The following FAM227B variants were observed in gnomAD, a reference collection of about 807,000 sequenced individuals.
The protein encoded by FAM227B is family with sequence similarity 227 member B.
FAM227B carries 88 observed loss-of-function variants against 73.8 expected under a neutral mutation model. That is an observed-to-expected ratio of 1.19 (90% CI 1.00 to 1.42). The LOEUF is 1.42. FAM227B is among the 40% of genes most tolerant of loss of function. The pLI is 0.00. For synonymous variants in FAM227B, 210 were observed against 190.5 expected (o/e 1.10, Z -0.84); for missense variants, 632 against 590.9 (o/e 1.07, Z -0.72).
At chr15:49,590,057 T>G in intron 3 of FAM227B, 50 bp from the exon 4 acceptor site, 1 of 958,896 alleles carries the variant, frequency 1.0e-6, no homozygotes, top group Non-Finnish European at 1.7e-6. Context: ...TTTTAATGAA[T>G]TTAAATAATA....
At chr15:49,595,400 G>GT (rs1408652221) in intron 3 of FAM227B, among the ~76,000 whole-genome samples, 2 of 151,926 alleles carry the variant, frequency 1.3e-5, no homozygotes, top group East Asian at 3.9e-4. Context: ...AACAGTGACA[G>GT]TTTGACATAC....
intron 12 of FAM227B, among the ~76,000 whole-genome samples, chr15:49,369,040 G>T (rs1233653230): frequency 6.6e-6 from 1 of 152,100 alleles, no homozygotes; most frequent in African/African-American, 2.4e-5. Context: ...CTCACTGCAA[G>T]CTCTGCCTCC....
chr15:49,416,221 C>T (rs2049201484), intron 11 of FAM227B, among the ~76,000 whole-genome samples: 1 of 144,784 alleles, frequency 6.9e-6, no homozygotes, highest in South Asian at 2.2e-4. Flanking sequence ...GCAGAGGTCA[C>T]TTCCAGAATA....
chr15:49,435,990 C>G (rs573698734), intron 11 of FAM227B, among the ~76,000 whole-genome samples: 1 of 151,456 alleles, frequency 6.6e-6, no homozygotes, highest in South Asian at 2.1e-4. Context: ...GTACTTTATT[C>G]CATTCTGATT....
chr15:49,619,420 A>G (rs1416444107), intron 1 of FAM227B, among the ~76,000 whole-genome samples: 3 of 152,162 alleles, frequency 2.0e-5, no homozygotes, highest in Non-Finnish European at 4.4e-5. Flanking sequence ...GTTCATTGCA[A>G]CACTCCCTTT....
chr15:49,465,221 C>G (rs1223961488), intron 11 of FAM227B, among the ~76,000 whole-genome samples: 1 of 152,008 alleles, frequency 6.6e-6, no homozygotes, highest in Non-Finnish European at 1.5e-5. Flanking sequence ...CCTCTGCCTC[C>G]TAGGTTAAAG....
chr15:49,564,055 T>C (rs1412282374), intron 9 of FAM227B, among the ~76,000 whole-genome samples: 1 of 152,108 alleles, frequency 6.6e-6, no homozygotes, highest in Non-Finnish European at 1.5e-5. Flanking sequence ...ACAGGCAACC[T>C]ACAGAATAGG....
rs149581932 is a variant in FAM227B, at chr15:49,370,801, A to G, written c.1110+501T>C. Among the ~76,000 whole-genome samples the G allele has an allele frequency of 2.9e-4, 44 of 152,310 alleles. 1 individual carries two copies. In the East Asian group the frequency reaches 6.9e-3, roughly 24 times the overall value. On this transcript the variant is annotated intron_variant, in intron 12 of 15. Transcript: ENST00000299338. ...TTGGCTAAGGCAACACATGGTGGTG[A>G]GTACATGAAATCTCTACCTGCAAGG...
chr15:49,482,443 G>A (rs2056036769), intron 11 of FAM227B, among the ~76,000 whole-genome samples: 2 of 152,040 alleles, frequency 1.3e-5, no homozygotes, highest in African/African-American at 4.8e-5. Context: ...GTCTTTTAAT[G>A]TATCAAAATA....
intron 1 of FAM227B, chr15:49,620,340 A>G (rs965730796): frequency 6.6e-6 from 1 of 152,192 alleles, no homozygotes; most frequent in African/African-American, 2.4e-5. Context: ...AGAGTAGTCA[A>G]TAAAACATTG....
intron 11 of FAM227B, among the ~76,000 whole-genome samples, chr15:49,456,733 G>C (rs2053329347): frequency 6.6e-6 from 1 of 152,028 alleles, no homozygotes. Flanking sequence ...AAGGATCAGG[G>C]AAGGAACTTG....
intron 11 of FAM227B, among the ~76,000 whole-genome samples, chr15:49,443,350 C>T (rs531652704): frequency 2.1e-4 from 32 of 151,128 alleles, no homozygotes; most frequent in African/African-American, 7.3e-4. Flanking sequence ...TAATGGTATG[C>T]GTCTGTATAT....
intron 11 of FAM227B, chr15:49,484,655 A>G (rs1044564824): frequency 2.2e-6 from 1 of 460,322 alleles, no homozygotes; most frequent in African/African-American, 2.0e-5. Flanking sequence ...GGACTTGTGC[A>G]TTTATGTTTG....
At chr15:49,424,285 G>T in intron 11 of FAM227B, 2 of 1,606,636 alleles carry the variant, frequency 1.2e-6, no homozygotes, top group Non-Finnish European at 1.7e-6. Flanking sequence ...AACACCCGGA[G>T]CACTACACTA....
intron 9 of FAM227B, among the ~76,000 whole-genome samples, chr15:49,549,305 A>G (rs1169321044): frequency 6.8e-6 from 1 of 148,018 alleles, no homozygotes; most frequent in African/African-American, 2.5e-5. Flanking sequence ...TTCTTCTCTT[A>G]TTGATTTGCA....
Position 49,476,232 on chromosome 15 carries a change from G to GTTTTTTTTTTTTTTTTTTTTTT in FAM227B, c.1012+31978_1012+31979insAAAAAAAAAAAAAAAAAAAAAA. On this transcript the variant is annotated intron_variant, in intron 11 of 15. Transcript: ENST00000299338. ...TTGCTGTTTTGTTTTTTTGTTTTTG[G>GTTTTTTTTTTTTTTTTTTTTTT]TTTTTTTTTTTTTGCATTTGGCATA... Among the ~76,000 whole-genome samples, 59 of 57,426 alleles carry GTTTTTTTTTTTTTTTTTTTTTT rather than the reference G, an allele frequency of 1.0e-3. 11 individuals are homozygous for GTTTTTTTTTTTTTTTTTTTTTT. The highest frequency in any genetic ancestry group is 1.7e-3 in the Non-Finnish European group (46 of 27,458). The allele number at this position is 57,426 out of a possible 152,430, so 37.7% of individuals were successfully genotyped here.
In FAM227B at chr15:49,460,676, T is replaced by C. The variant is rs991100330; in HGVS notation, c.1012+47535A>G. Among the ~76,000 whole-genome samples, 39 of 152,126 alleles carry C rather than the reference T, an allele frequency of 2.6e-4. 2 individuals are homozygous for C. Among genetic ancestry groups the C allele is most frequent in the Middle Eastern group, 3.2e-3 (1 of 316 alleles). The stretch of plus-strand genomic sequence containing the variant: ...TGTATTCATTATAGTCTGAAAAAAA[T>C]AGGACTCTTGATACCAGTCATGTAT... On this transcript the variant is annotated intron_variant, in intron 11 of 15. Transcript: ENST00000299338.
intron 11 of FAM227B, among the ~76,000 whole-genome samples, chr15:49,495,086 A>G (rs1482067356): frequency 6.6e-6 from 1 of 152,200 alleles, no homozygotes; most frequent in Non-Finnish European, 1.5e-5. Flanking sequence ...TTAGTATAAT[A>G]TGCTAATAAT....
At chr15:49,394,405 T>C (rs1402998594) in intron 11 of FAM227B, among the ~76,000 whole-genome samples, 3 of 152,048 alleles carry the variant, frequency 2.0e-5, no homozygotes, top group East Asian at 1.9e-4. Flanking sequence ...CCATCTGAGA[T>C]TGAAGATGGG....
Sources: gnomAD v4.1 joint callset for allele counts (sites outside exome capture counted in the v4.1 genomes callset) on GRCh38, gnomAD v4.1.1 for gene constraint, MANE v1.5 for transcripts, NCBI Gene and HGNC (gene_info 2026-07-23, HGNC 2026-07-21) for gene names.